Variants in ST6GALNAC5 observed in about 807,000 individuals in gnomAD.
ST6GALNAC5 encodes the protein alpha-N-acetylgalactosaminide alpha-2,6-sialyltransferase 5.
ST6GALNAC5 carries 27 observed loss-of-function variants against 33.6 expected under a neutral mutation model. That is an observed-to-expected ratio of 0.80 (90% CI 0.59 to 1.11). The LOEUF (loss-of-function observed/expected upper bound fraction) is 1.11, where lower values mean the gene tolerates loss of function less well. ST6GALNAC5 is among the 50% of genes least tolerant of loss of function. ST6GALNAC5 has a pLI of 0.00. For synonymous variants in ST6GALNAC5, 194 were observed against 171.2 expected (o/e 1.13, Z -1.04); for missense variants, 428 against 454.0 (o/e 0.94, Z 0.52).
At chr1:76,925,286 T>C (rs1431363402) in intron 2 of ST6GALNAC5, among the ~76,000 whole-genome samples, 1 of 151,980 alleles carries the variant, frequency 6.6e-6, no homozygotes, top group African/African-American at 2.4e-5. Flanking sequence ...CAACATGAGA[T>C]TTGGAGGGCA....
At chr1:76,894,481 G>A (rs983707668) in intron 2 of ST6GALNAC5, among the ~76,000 whole-genome samples, 1 of 152,152 alleles carries the variant, frequency 6.6e-6, no homozygotes, top group Non-Finnish European at 1.5e-5. Context: ...GAGGCAGGGG[G>A]GGGATCTTTA....
At chr1:76,896,850 C>T (rs1419214492) in intron 2 of ST6GALNAC5, among the ~76,000 whole-genome samples, 1 of 152,138 alleles carries the variant, frequency 6.6e-6, no homozygotes, top group Non-Finnish European at 1.5e-5. Flanking sequence ...AAAGCAGTGG[C>T]AGCCACTGCA....
intron 2 of ST6GALNAC5, among the ~76,000 whole-genome samples, chr1:76,979,698 G>C (rs1014886835): frequency 1.3e-5 from 2 of 152,162 alleles, no homozygotes; most frequent in Non-Finnish European, 2.9e-5. Context: ...AGGCCAAGGC[G>C]GGCAGATCAC....
rs375493598 is a variant in ST6GALNAC5 at position 77,010,923 on chromosome 1, G to T, written c.262-33281G>T. Reference sequence around the variant, plus strand: ...GTTGAGCTGCTTCTATCTTCCCAGAGAAATCTACATGTCATTCAGATGTTG... The same window carrying T: ...GTTGAGCTGCTTCTATCTTCCCAGATAAATCTACATGTCATTCAGATGTTG... On this transcript the variant is annotated intron_variant, in intron 2 of 4. Transcript: ENST00000477717. Among the ~76,000 whole-genome samples the T allele has an allele frequency of 3.9e-5, 6 of 152,344 alleles. No individual in the cohort carries two copies. In the East Asian group the frequency reaches 9.6e-4, roughly 24 times the overall value.
At position 77,064,007 on chromosome 1, in the gene ST6GALNAC5, A is replaced by G. The variant is rs1165830264; in HGVS notation, c.*801A>G. On this transcript the variant is annotated 3_prime_UTR_variant, in exon 5 of 5. Coordinates refer to ENST00000477717, the MANE Select transcript of ST6GALNAC5 (RefSeq NM_030965.3). Reference sequence around the variant, plus strand: ...ATGTGCAGAAATGTTCCAAAAGGACAAAATTGAAAACCAAAAACTATGTTA... The same window carrying G: ...ATGTGCAGAAATGTTCCAAAAGGACGAAATTGAAAACCAAAAACTATGTTA... 2 of 152,594 alleles carry G rather than the reference A, an allele frequency of 1.3e-5. No homozygotes were observed. Among genetic ancestry groups the G allele is most frequent in the Non-Finnish European group, 2.9e-5 (2 of 68,042 alleles). 9.5% of individuals were successfully genotyped at this position (152,594 alleles called of 1,614,324 possible).
chr1:76,915,154 C>T (rs549812418), intron 2 of ST6GALNAC5, among the ~76,000 whole-genome samples: 281 of 151,662 alleles, frequency 1.9e-3, no homozygotes, highest in African/African-American at 6.4e-3. Flanking sequence ...TACCATCTCA[C>T]ACCAGTTAGA....
chr1:76,959,196 TG>T (rs1356261461), intron 2 of ST6GALNAC5, among the ~76,000 whole-genome samples: 4 of 152,218 alleles, frequency 2.6e-5, no homozygotes, highest in Admixed American at 2.6e-4. Context: ...TGTTCATCTC[TG>T]TAGGTTTCAG....
At chr1:77,029,015 G>T (rs540855802) in intron 2 of ST6GALNAC5, among the ~76,000 whole-genome samples, 1 of 152,166 alleles carries the variant, frequency 6.6e-6, no homozygotes, top group African/African-American at 2.4e-5. Flanking sequence ...TACGTGGGTG[G>T]TGGTCCAGTG....
chr1:76,947,777 A>G (rs1412036398), intron 2 of ST6GALNAC5, among the ~76,000 whole-genome samples: 1 of 152,056 alleles, frequency 6.6e-6, no homozygotes, highest in Admixed American at 6.6e-5. Flanking sequence ...AGACGTTGGG[A>G]AACTTTTAAA....
At chr1:76,884,978 A>G (rs935596942) in intron 2 of ST6GALNAC5, among the ~76,000 whole-genome samples, 5 of 152,182 alleles carry the variant, frequency 3.3e-5, no homozygotes, top group African/African-American at 1.2e-4. Context: ...ATACATCGCA[A>G]TACTGACTGG....
chr1:77,007,652 G>A (rs781198150), intron 2 of ST6GALNAC5, among the ~76,000 whole-genome samples: 1 of 152,200 alleles, frequency 6.6e-6, no homozygotes, highest in South Asian at 2.1e-4. Context: ...AAAATATTTT[G>A]GTTAATTAGA....
chr1:77,058,887 T>C (rs1239436050), intron 4 of ST6GALNAC5, among the ~76,000 whole-genome samples: 5 of 152,184 alleles, frequency 3.3e-5, no homozygotes, highest in Non-Finnish European at 5.9e-5. Context: ...GCTGCAATAC[T>C]TGCCTCAGAG....
At chr1:76,921,386 C>T (rs185421528) in intron 2 of ST6GALNAC5, among the ~76,000 whole-genome samples, 11 of 152,064 alleles carry the variant, frequency 7.2e-5, no homozygotes, top group African/African-American at 2.2e-4. Flanking sequence ...AACAAGAAAA[C>T]AACAGAGAAA....
rs376894470 is a variant in ST6GALNAC5, at chr1:76,910,555, T to C, written c.261+41813T>C. On this transcript the variant is annotated intron_variant, in intron 2 of 4. Coordinates refer to ENST00000477717, the MANE Select transcript of ST6GALNAC5 (RefSeq NM_030965.3). ...AGATTTGGAAATCTTGGTTTTAAAA[T>C]ATCAGTTTGATGACTGCTCAAACAC... Among the ~76,000 whole-genome samples the C allele has an allele frequency of 1.5e-4, 23 of 152,202 alleles. No individual in the cohort carries two copies. The East Asian group carries it at 3.1e-3, about 20-fold the overall frequency.
At chr1:77,044,664 A>G in intron 3 of ST6GALNAC5, 51 bp downstream of exon 3, 3 of 1,507,262 alleles carry the variant, frequency 2.0e-6, no homozygotes, top group Non-Finnish European at 2.7e-6. Context: ...ATAAGTCATC[A>G]CTGGCTGACT....
rs34309736 is a variant in ST6GALNAC5, at chr1:76,936,953, G to GGTGTGTGT, written c.261+68240_261+68247dup. ...AGTCAGGAGACTGGAAGAGAAGCAG[G>GGTGTGTGT]GTGTGTGTGTGTGTGTGTGTGTGTG... On this transcript the variant is annotated intron_variant, in intron 2 of 4. Coordinates refer to ENST00000477717, the MANE Select transcript of ST6GALNAC5 (RefSeq NM_030965.3). 1.8e-3 allele frequency among the ~76,000 whole-genome samples: 247 copies of GGTGTGTGT among 140,030 alleles called. 1 individual carries two copies. The highest frequency in any genetic ancestry group is 6.1e-3 in the African/African-American group (231 of 37,780). 91.9% of individuals were successfully genotyped at this position (140,030 alleles called of 152,430 possible). A position where few individuals can be genotyped will look rare whatever the true frequency, so the allele number is the denominator to read the frequency against.
At chr1:77,022,666 T>TA (rs1292571519) in intron 2 of ST6GALNAC5, among the ~76,000 whole-genome samples, 1 of 152,222 alleles carries the variant, frequency 6.6e-6, no homozygotes, top group Non-Finnish European at 1.5e-5. Context: ...CATTTTAACT[T>TA]AAAAATTCAG....
chr1:77,049,611 A>G (rs527582577), intron 3 of ST6GALNAC5, among the ~76,000 whole-genome samples: 80 of 152,300 alleles, frequency 5.3e-4, no homozygotes, highest in Middle Eastern at 3.4e-3. Context: ...TCTCCTAGTA[A>G]AAATTTTCTG....
At chr1:77,001,669 T>C (rs985141235) in intron 2 of ST6GALNAC5, among the ~76,000 whole-genome samples, 1 of 151,974 alleles carries the variant, frequency 6.6e-6, no homozygotes, top group Non-Finnish European at 1.5e-5. Flanking sequence ...CTCCCATCAA[T>C]ACCTAATTTA....
Sources: allele counts gnomAD v4.1 joint callset (sites outside exome capture counted in the v4.1 genomes callset), GRCh38; gene constraint gnomAD v4.1.1; transcripts MANE v1.5; gene names NCBI Gene and HGNC (gene_info 2026-07-23, HGNC 2026-07-21).